BAIAP2L1: variants seen among roughly 807,000 people sequenced by gnomAD.
BAIAP2L1 encodes the protein BAR/IMD domain containing adaptor protein 2 like 1, also known as BAR/IMD domain-containing adapter protein 2-like 1.
In BAIAP2L1, 35 loss-of-function variants were observed where a neutral mutation model predicts 66.3. The observed-to-expected ratio is 0.53, with a 90% CI of 0.40 to 0.70. The LOEUF (loss-of-function observed/expected upper bound fraction) is 0.70. Among genes scored for constraint, BAIAP2L1 ranks in the 30% least tolerant of loss-of-function variants. The probability of loss-of-function intolerance (pLI) is 0.00; values close to 1 mark genes in which losing one functional copy is unlikely to be tolerated. For missense variants in BAIAP2L1, 622 were observed against 656.9 expected (o/e 0.95, Z 0.58); for synonymous variants, 269 against 248.7 (o/e 1.08, Z -0.77).
chr7:98,291,804 C>T lies in BAIAP2L1; in HGVS notation c.*1717G>A, dbSNP rs1366419338. 6.5e-6 allele frequency: 1 copy of T among 153,500 alleles called. No individual in the cohort carries two copies. Among genetic ancestry groups the T allele is most frequent in the African/African-American group, 2.4e-5 (1 of 41,472 alleles). 9.5% of individuals were successfully genotyped at this position (153,500 alleles called of 1,614,324 possible). Reference sequence around the variant, plus strand: ...GGGGTCTGCAGGTTGCATCCGAGACCCCCAGGTCCTATTCTTCCACCCCGT... The same window carrying T: ...GGGGTCTGCAGGTTGCATCCGAGACTCCCAGGTCCTATTCTTCCACCCCGT... On this transcript the variant is annotated 3_prime_UTR_variant, in exon 14 of 14. Coordinates refer to ENST00000005260, the MANE Select transcript of BAIAP2L1 (RefSeq NM_018842.5).
chr7:98,392,047 T>A (rs901679586), intron 1 of BAIAP2L1, among the ~76,000 whole-genome samples: 2 of 151,638 alleles, frequency 1.3e-5, no homozygotes, highest in Non-Finnish European at 1.5e-5. Context: ...AAAGATCTAC[T>A]TAATTGAGCT....
At position 98,397,318 on chromosome 7, in the gene BAIAP2L1, C is replaced by CTTTTTTT. The variant is rs36101597; in HGVS notation, c.51+3477_51+3483dup. On this transcript the variant is annotated intron_variant, in intron 1 of 13. Coordinates refer to ENST00000005260, the MANE Select transcript of BAIAP2L1 (RefSeq NM_018842.5). ...CCGTTCTTCCTCCACTTCTTAAGCCCTTTTTTTTTTTTTTTTTTTTTTTTG... is the reference window on the plus strand; with the variant it reads ...CCGTTCTTCCTCCACTTCTTAAGCCCTTTTTTTTTTTTTTTTTTTTTTTTTTTTTTTG... Among the ~76,000 whole-genome samples, 37 of 74,514 alleles carry CTTTTTTT rather than the reference C, an allele frequency of 5.0e-4. 1 individual carries two copies. The highest frequency in any genetic ancestry group is 1.5e-3 in the African/African-American group (27 of 18,394). 48.9% of individuals were successfully genotyped at this position (74,514 alleles called of 152,430 possible).
At chr7:98,304,090 T>C in intron 12 of BAIAP2L1, 106 bp downstream of exon 12, 35 of 1,217,136 alleles carry the variant, frequency 2.9e-5, no homozygotes, top group Non-Finnish European at 3.6e-5. Context: ...GACACCACTC[T>C]CCCCCTGGGG....
chr7:98,393,140 T>TATAC (rs1803103999), intron 1 of BAIAP2L1, among the ~76,000 whole-genome samples: 3 of 106,836 alleles, frequency 2.8e-5, no homozygotes, highest in African/African-American at 1.3e-4. Flanking sequence ...TACACACATA[T>TATAC]GTGTACATAT....
chr7:98,305,041 T>G (rs1443847069), intron 11 of BAIAP2L1, among the ~76,000 whole-genome samples: 1 of 115,024 alleles, frequency 8.7e-6, no homozygotes, highest in Admixed American at 9.3e-5. Context: ...AATTTTTTTG[T>G]TTTTTGTTTT....
Position 98,306,525 on chromosome 7 carries a change from A to T in BAIAP2L1, c.1164-9T>A. On this transcript the variant is annotated splice_polypyrimidine_tract_variant and intron_variant, in intron 10 of 13. Transcript: ENST00000005260. ...ACGGGAACCAACCCCTCCTACCGGC[A>T]AAGAGGGAGAAAAGACCCTATCAGC... 6.2e-7 allele frequency: 1 copy of T among 1,614,144 alleles called. No homozygotes were observed. The highest frequency in any genetic ancestry group is 8.5e-7 in the Non-Finnish European group (1 of 1,180,022).
chr7:98,345,426 T>C (rs531013741), intron 3 of BAIAP2L1, among the ~76,000 whole-genome samples: 3 of 151,934 alleles, frequency 2.0e-5, no homozygotes, highest in Non-Finnish European at 4.4e-5. Flanking sequence ...AAATGGTCAG[T>C]AAGAACATGA....
chr7:98,362,797 C>T (rs947060863), intron 1 of BAIAP2L1, among the ~76,000 whole-genome samples: 7 of 152,164 alleles, frequency 4.6e-5, no homozygotes, highest in African/African-American at 9.7e-5. Flanking sequence ...TGTTAAGGAA[C>T]GCCTGTGGAG....
rs553212732 is a variant in BAIAP2L1, at chr7:98,307,678, C to T, written c.1163+11G>A. On this transcript the variant is annotated intron_variant, in intron 10 of 13. Transcript: ENST00000005260. ...CTGGTGCCCTGCGGGGACCATCACG[C>T]CCAGACTTACGCCTTGGACACGTCG... The T allele has an allele frequency of 1.9e-6, 3 of 1,613,440 alleles. No homozygotes were observed. Among genetic ancestry groups the T allele is most frequent in the African/African-American group, 1.3e-5 (1 of 75,042 alleles).
intron 11 of BAIAP2L1, 52 bp downstream of exon 11, chr7:98,306,384 AACG>A: frequency 6.3e-7 from 1 of 1,599,694 alleles, no homozygotes; most frequent in South Asian, 1.1e-5. Context: ...GTGTTACAGA[AACG>A]ACAAGGCAGG....
At position 98,292,727 on chromosome 7, in the gene BAIAP2L1, A is replaced by G; in HGVS notation, c.*794T>C. The G allele has an allele frequency of 1.3e-6, 2 of 1,551,488 alleles. No homozygotes were observed. Among genetic ancestry groups the G allele is most frequent in the Non-Finnish European group, 8.7e-7 (1 of 1,146,942 alleles). On this transcript the variant is annotated 3_prime_UTR_variant, in exon 14 of 14. Transcript: ENST00000005260. ...AGAAACCAGGACCCCGAGCAGTTTG[A>G]GTGTACTGGTAATGGATGCAGCTTT...
chr7:98,306,660 T>C (rs1232870592), intron 10 of BAIAP2L1, 144 bp from the exon 11 acceptor site: 1 of 1,211,406 alleles, frequency 8.3e-7, no homozygotes, highest in Non-Finnish European at 1.1e-6. Context: ...TTAAGGCTTT[T>C]AATAGGTAAA....
In BAIAP2L1 at chr7:98,292,884, C is replaced by A; in HGVS notation, c.*637G>T. ...GAAAAGGAGCTCTCGGAGGAGATTT[C>A]GTCGAGTGCTACGTGTGGCTGTGAT... is the stretch of plus-strand genomic sequence containing the variant. On this transcript the variant is annotated 3_prime_UTR_variant, in exon 14 of 14. Transcript: ENST00000005260. The A allele has an allele frequency of 7.0e-7, 1 of 1,436,580 alleles. No individual in the cohort carries two copies. 89.0% of individuals were successfully genotyped at this position (1,436,580 alleles called of 1,614,324 possible).
chr7:98,360,255 G>T (rs923686541), intron 2 of BAIAP2L1, among the ~76,000 whole-genome samples: 1 of 151,768 alleles, frequency 6.6e-6, no homozygotes, highest in Non-Finnish European at 1.5e-5. Context: ...TTGTAGTGAC[G>T]GGGTCTCGAA....
At chr7:98,330,400 G>A (rs1801466368) in intron 3 of BAIAP2L1, among the ~76,000 whole-genome samples, 1 of 152,228 alleles carries the variant, frequency 6.6e-6, no homozygotes, top group African/African-American at 2.4e-5. Context: ...GCTCACACCT[G>A]TAATGCCAGC....
At chr7:98,400,704 G>T (rs943309464) in intron 1 of BAIAP2L1, 98 bp downstream of exon 1, 7 of 1,358,094 alleles carry the variant, frequency 5.2e-6, no homozygotes, top group African/African-American at 4.4e-5. Flanking sequence ...CGGGGGAGGG[G>T]AGCTGGAGGG....
At chr7:98,331,152 T>C (rs1801486253) in intron 3 of BAIAP2L1, among the ~76,000 whole-genome samples, 2 of 152,154 alleles carry the variant, frequency 1.3e-5, no homozygotes, top group African/African-American at 4.8e-5. Context: ...ATGAATGAGC[T>C]TGAAGATACG....
chr7:98,312,745 TG>T (rs1312139725), intron 7 of BAIAP2L1, among the ~76,000 whole-genome samples: 24 of 76,086 alleles, frequency 3.2e-4, no homozygotes, highest in African/African-American at 1.1e-3. Context: ...AGTCTGTCTA[TG>T]GGGAAGAGGG....
At chr7:98,357,990 A>G (rs1261797362) in intron 2 of BAIAP2L1, among the ~76,000 whole-genome samples, 2 of 152,238 alleles carry the variant, frequency 1.3e-5, no homozygotes, top group African/African-American at 4.8e-5. Flanking sequence ...TGTAGCCAGG[A>G]AACTGTCAAG....
Sources: gnomAD v4.1 joint callset for allele counts (sites outside exome capture counted in the v4.1 genomes callset) on GRCh38, gnomAD v4.1.1 for gene constraint, MANE v1.5 for transcripts, NCBI Gene and HGNC (gene_info 2026-07-23, HGNC 2026-07-21) for gene names.